The following IL1RAPL2 variants were observed in gnomAD, a reference collection of about 807,000 sequenced individuals.
IL1RAPL2 encodes X-linked interleukin-1 receptor accessory protein-like 2.
In IL1RAPL2, 3 loss-of-function variants were observed where a neutral mutation model predicts 44.1. That is an observed-to-expected ratio of 0.07 (90% CI 0.03 to 0.18). The LOEUF (loss-of-function observed/expected upper bound fraction) is 0.18, where lower values mean the gene tolerates loss of function less well. IL1RAPL2 is among the 10% of genes least tolerant of loss of function. The pLI is 1.00. For synonymous variants in IL1RAPL2, 181 were observed against 178.8 expected (o/e 1.01, Z -0.10); for missense variants, 391 against 496.4 (o/e 0.79, Z 2.02).
At chrX:105,366,325 G>A (rs1469239716) in intron 5 of IL1RAPL2, among the ~76,000 whole-genome samples, 1 of 110,239 alleles carries the variant, frequency 9.1e-6, no homozygotes, top group Non-Finnish European at 1.9e-5. Flanking sequence ...ACAACTTTTA[G>A]TATTGTTGGT....
intron 2 of IL1RAPL2, among the ~76,000 whole-genome samples, chrX:104,895,018 G>A (rs1412363522): frequency 1.8e-5 from 2 of 112,754 alleles, no homozygotes; most frequent in Non-Finnish European, 3.7e-5. Flanking sequence ...AGGACCCTCA[G>A]CTGCAGGTCT....
intron 2 of IL1RAPL2, among the ~76,000 whole-genome samples, chrX:104,964,853 G>T (rs1190766643): frequency 9.1e-6 from 1 of 109,771 alleles, no homozygotes; most frequent in African/African-American, 3.3e-5. Flanking sequence ...TGTTGCCCAG[G>T]CTGGAGTACA....
intron 6 of IL1RAPL2, among the ~76,000 whole-genome samples, chrX:105,558,809 T>C (rs935313041): frequency 8.9e-6 from 1 of 112,385 alleles, no homozygotes; most frequent in African/African-American, 3.2e-5. Flanking sequence ...GAGATTTGTG[T>C]ATTAGTGACA....
At chrX:104,881,741 C>T (rs762282317) in intron 2 of IL1RAPL2, among the ~76,000 whole-genome samples, 1 of 111,679 alleles carries the variant, frequency 9.0e-6, no homozygotes, top group Non-Finnish European at 1.9e-5. Context: ...CACAATACAA[C>T]CTGAGGAGTT....
intron 1 of IL1RAPL2, among the ~76,000 whole-genome samples, chrX:104,630,063 A>G (rs768690833): frequency 9.8e-4 from 108 of 109,731 alleles, no homozygotes; most frequent in Middle Eastern, 4.8e-3. Flanking sequence ...GGCTCACTGC[A>G]ACCTCCACCT....
At chrX:104,726,364 T>A (rs1276483653) in intron 2 of IL1RAPL2, among the ~76,000 whole-genome samples, 1 of 111,795 alleles carries the variant, frequency 8.9e-6, no homozygotes, top group Admixed American at 9.6e-5. Context: ...CTATATGGGC[T>A]CTTTTTTAGT....
At chrX:104,753,029 C>G (rs1184617694) in intron 2 of IL1RAPL2, among the ~76,000 whole-genome samples, 1 of 110,196 alleles carries the variant, frequency 9.1e-6, no homozygotes, top group African/African-American at 3.3e-5. Flanking sequence ...TGCTTTTACT[C>G]TATCATTCAA....
intron 2 of IL1RAPL2, among the ~76,000 whole-genome samples, chrX:104,786,455 A>G (rs1932798379): frequency 8.9e-6 from 1 of 111,822 alleles, no homozygotes; most frequent in Non-Finnish European, 1.9e-5. Flanking sequence ...ATATGTACAT[A>G]TATTATCTCA....
chrX:105,634,912 G>A (rs2037513799), intron 6 of IL1RAPL2, among the ~76,000 whole-genome samples: 1 of 111,518 alleles, frequency 9.0e-6, no homozygotes, highest in Admixed American at 9.5e-5. Context: ...TGTTCTTTAT[G>A]AGGAAACTGA....
At chrX:104,943,187 A>G (rs1925240582) in intron 2 of IL1RAPL2, among the ~76,000 whole-genome samples, 1 of 111,065 alleles carries the variant, frequency 9.0e-6, no homozygotes. Context: ...AGGCTTTGGT[A>G]ACAGGATGAT....
At chrX:104,573,334 C>T (rs189034199) in intron 1 of IL1RAPL2, among the ~76,000 whole-genome samples, 1 of 112,134 alleles carries the variant, frequency 8.9e-6, no homozygotes, top group Non-Finnish European at 1.9e-5. Flanking sequence ...TCCTCAGTCA[C>T]CTAGCCACAT....
intron 6 of IL1RAPL2, among the ~76,000 whole-genome samples, chrX:105,601,650 A>C (rs1348438285): frequency 9.0e-6 from 1 of 111,335 alleles, no homozygotes; most frequent in Non-Finnish European, 1.9e-5. Context: ...CCATGTAGCT[A>C]CATTGCTTCA....
At position 105,362,288 on chromosome X, in the gene IL1RAPL2, C is replaced by CA. The variant is rs2035253357; in HGVS notation, c.697+94749dup. 3.6e-5 allele frequency among the ~76,000 whole-genome samples: 4 copies of CA among 111,471 alleles called. 1 individual carries two copies. The South Asian group carries it at 1.5e-3, about 41-fold the overall frequency. On this transcript the variant is annotated intron_variant, in intron 5 of 10. Transcript: ENST00000372582. ...AGGTGGATGGATGCATTTTACTTTACAATTCAGTGTGATAAAACCCACAGC... is the reference window on the plus strand; with the variant it reads ...AGGTGGATGGATGCATTTTACTTTACAAATTCAGTGTGATAAAACCCACAGC...
At chrX:104,861,354 T>A (rs1293788043) in intron 2 of IL1RAPL2, among the ~76,000 whole-genome samples, 2 of 111,943 alleles carry the variant, frequency 1.8e-5, no homozygotes, top group Non-Finnish European at 3.8e-5. Context: ...GGACATTAAA[T>A]ATGTAAATAA....
intron 2 of IL1RAPL2, among the ~76,000 whole-genome samples, chrX:105,164,027 A>T (rs1432265288): frequency 9.0e-6 from 1 of 110,853 alleles, no homozygotes; most frequent in Non-Finnish European, 1.9e-5. Context: ...AGTTGAAGAC[A>T]TTCATGTGTT....
chrX:105,669,944 C>T (rs1374425549), intron 6 of IL1RAPL2, among the ~76,000 whole-genome samples: 1 of 104,553 alleles, frequency 9.6e-6, no homozygotes, highest in Non-Finnish European at 2.0e-5. Flanking sequence ...ACTTGTGAGA[C>T]TTAGTTCACG....
rs1284276116 is a variant in IL1RAPL2 at position 105,743,006 on chromosome X, C to T, written c.1048+2315C>T. ...CTATATCTACTCCACTAGCAAATCC[C>T]ATGGCTTAACTTTCAAAGCCTATTT... On this transcript the variant is annotated intron_variant, in intron 8 of 10. Coordinates refer to ENST00000372582, the MANE Select transcript of IL1RAPL2 (RefSeq NM_017416.2). Among the ~76,000 whole-genome samples the T allele has an allele frequency of 8.1e-5, 9 of 111,290 alleles. No individual in the cohort carries two copies. The East Asian group carries it at 2.6e-3, about 32-fold the overall frequency.
chrX:104,742,599 G>A (rs1932115211), intron 2 of IL1RAPL2, among the ~76,000 whole-genome samples: 1 of 111,597 alleles, frequency 9.0e-6, no homozygotes, highest in East Asian at 2.8e-4. Flanking sequence ...TCCATAGAAA[G>A]CACTCACAGT....
At chrX:104,954,637 A>G (rs2147712639) in intron 2 of IL1RAPL2, among the ~76,000 whole-genome samples, 1 of 111,741 alleles carries the variant, frequency 8.9e-6, no homozygotes, top group East Asian at 2.8e-4. Context: ...GAGGGGCTCA[A>G]ATGATCCTCC....
Sources: allele counts gnomAD v4.1 joint callset (sites outside exome capture counted in the v4.1 genomes callset), GRCh38; gene constraint gnomAD v4.1.1; transcripts MANE v1.5; gene names NCBI Gene and HGNC (gene_info 2026-07-23, HGNC 2026-07-21).